The following PKHD1 variants were observed in gnomAD, a reference collection of about 807,000 sequenced individuals.
PKHD1 encodes fibrocystin.
In PKHD1, 291 loss-of-function variants were observed where a neutral mutation model predicts 412.0. That is an observed-to-expected ratio of 0.71 (90% confidence interval 0.64 to 0.78). PKHD1 has a LOEUF of 0.78. PKHD1 is among the 30% of genes least tolerant of loss of function. The pLI is 0.00. For synonymous variants in PKHD1, 1,777 were observed against 1,821.5 expected, an observed-to-expected ratio of 0.98 and a Z score of 0.62; for missense variants, 4,825 against 4,950.7, an observed-to-expected ratio of 0.97 and a Z score of 0.76.
chr6:51,675,796 T>C (rs980328848), intron 60 of PKHD1, among the ~76,000 whole-genome samples: 17 of 152,210 alleles, frequency 1.1e-4, no homozygotes, highest in African/African-American at 3.9e-4. Flanking sequence ...CAGTGAGTAT[T>C]GGCTTGGCAT....
intron 35 of PKHD1, among the ~76,000 whole-genome samples, chr6:51,989,945 AAGAAAGGAAGGAAAGAAGGAAG>A (rs1796790163): frequency 1.1e-4 from 4 of 36,806 alleles, no homozygotes; most frequent in Admixed American, 3.1e-4. Flanking sequence ...AGAAGGAAGG[AAGAAAGGAAGGAAAGAAGGAAG>A]GAAGGAAGGA....
intron 60 of PKHD1, among the ~76,000 whole-genome samples, chr6:51,736,245 C>T (rs1783828470): frequency 6.6e-6 from 1 of 152,158 alleles, no homozygotes; most frequent in Admixed American, 6.5e-5. Context: ...AGGAAATTGT[C>T]CCCATAGATC....
At chr6:51,806,597 G>A (rs1763820659) in intron 52 of PKHD1, among the ~76,000 whole-genome samples, 1 of 152,126 alleles carries the variant, frequency 6.6e-6, no homozygotes, top group Admixed American at 6.6e-5. Context: ...ATATTTATGA[G>A]TTCAAGAACC....
At chr6:51,731,941 T>A (rs927128314) in intron 60 of PKHD1, among the ~76,000 whole-genome samples, 11 of 152,282 alleles carry the variant, frequency 7.2e-5, no homozygotes, top group African/African-American at 2.6e-4. Flanking sequence ...TTCTACTTTT[T>A]CAGTTGCAAA....
chr6:51,961,979 G>T (rs1191754420), intron 35 of PKHD1, among the ~76,000 whole-genome samples: 2 of 152,050 alleles, frequency 1.3e-5, no homozygotes, highest in Non-Finnish European at 2.9e-5. Flanking sequence ...CAATTTTAAT[G>T]ATCCTCTCAG....
chr6:52,073,647 G>T, intron 6 of PKHD1, 106 bp from the exon 7 acceptor site: 1 of 738,046 alleles, frequency 1.4e-6, no homozygotes, highest in Non-Finnish European at 2.4e-6. Context: ...TGGCAAAGCA[G>T]GTCATGGCCC....
intron 36 of PKHD1, among the ~76,000 whole-genome samples, chr6:51,944,873 C>G (rs773466809): frequency 6.6e-6 from 1 of 152,210 alleles, no homozygotes; most frequent in Non-Finnish European, 1.5e-5. Context: ...CACTGCTAGA[C>G]CATCTGCATC....
chr6:51,717,574 G>A (rs1781430139), intron 60 of PKHD1, among the ~76,000 whole-genome samples: 1 of 152,162 alleles, frequency 6.6e-6, no homozygotes, highest in South Asian at 2.1e-4. Flanking sequence ...TGTGGTGCAG[G>A]TTTGTAACCC....
intron 52 of PKHD1, among the ~76,000 whole-genome samples, chr6:51,797,282 T>C (rs1389331450): frequency 6.6e-6 from 1 of 152,198 alleles, no homozygotes; most frequent in Non-Finnish European, 1.5e-5. Context: ...GCCTTTGTTT[T>C]TTGGTGGAGA....
intron 55 of PKHD1, among the ~76,000 whole-genome samples, chr6:51,762,509 T>C (rs992929103): frequency 6.6e-6 from 1 of 152,020 alleles, no homozygotes; most frequent in African/African-American, 2.4e-5. Flanking sequence ...TAGAGATAAA[T>C]TGATAAAACA....
intron 36 of PKHD1, among the ~76,000 whole-genome samples, chr6:51,945,015 A>G (rs1789244405): frequency 6.6e-6 from 1 of 152,186 alleles, no homozygotes; most frequent in African/African-American, 2.4e-5. Context: ...CAGACTTCCA[A>G]AGGATTCCCT....
chr6:51,723,403 T>A (rs905818445), intron 60 of PKHD1, among the ~76,000 whole-genome samples: 4 of 152,194 alleles, frequency 2.6e-5, no homozygotes, highest in African/African-American at 9.6e-5. Flanking sequence ...ACATGCGTGA[T>A]CCTGTTTGGA....
intron 3 of PKHD1, 67 bp downstream of exon 3, chr6:52,083,111 G>C: frequency 9.2e-7 from 1 of 1,083,598 alleles, no homozygotes; most frequent in Non-Finnish European, 1.4e-6. Flanking sequence ...GAAAACCAAA[G>C]ACTCATAGTC....
rs1581894996 is a variant in PKHD1, at chr6:51,659,747, T to G, written c.10379A>C (p.Tyr3460Ser). 1.2e-6 allele frequency: 2 copies of G among 1,613,552 alleles called. No homozygotes were observed. The highest frequency in any genetic ancestry group is 1.3e-5 in the African/African-American group (1 of 74,864). The change falls in exon 61 of 67, where the codon TAT (tyrosine) becomes TCT (serine). Residue 3460 changes from tyrosine to serine, a missense_variant. Physicochemically the swap from Tyr to Ser is moderately radical, Grantham distance 144. Coordinates refer to ENST00000371117, the MANE Select transcript of PKHD1 (RefSeq NM_138694.4). ...GATTTGCCTGATGGGTAAGATAGAA[T>G]AGAAAGTAGACACTGACCCAGAAGT... Reference protein sequence around the residue: ...CSTSGSVSTFYSILPIRQITK... With the variant: ...CSTSGSVSTFSSILPIRQITK...
intron 13 of PKHD1, among the ~76,000 whole-genome samples, chr6:52,064,332 A>G (rs1809165119): frequency 6.6e-6 from 1 of 152,226 alleles, no homozygotes; most frequent in Non-Finnish European, 1.5e-5. Flanking sequence ...AAAGTGCTCC[A>G]GTATTGTGCT....
rs1808121382 is a variant in PKHD1 at position 52,058,408 on chromosome 6, G to T, written c.1427C>A (p.Thr476Asn). The change falls in exon 16 of 67, where the codon ACC becomes AAC. Residue 476 changes from threonine (T) to asparagine (N), a missense_variant. Thr to Asn is a moderately conservative substitution (Grantham distance 65, BLOSUM62 0). Coordinates refer to ENST00000371117, the MANE Select transcript of PKHD1 (RefSeq NM_138694.4). Reference protein sequence around the residue: ...GMRIGVQIHNTWLNPDVVTTY... With the variant: ...GMRIGVQIHNNWLNPDVVTTY... ...GGTGACCACATCAGGATTCAGCCAG[G>T]TGTTGTGAATCTGGACACCAATCCT... 1 of 1,614,076 alleles carries T rather than the reference G, an allele frequency of 6.2e-7. No homozygotes were observed. The highest frequency in any genetic ancestry group is 8.5e-7 in the Non-Finnish European group (1 of 1,179,952).
In PKHD1 at chr6:52,046,318, T is replaced by C. The variant is rs1446531208; in HGVS notation, c.2408-130A>G. 2.7e-5 allele frequency: 22 copies of C among 800,188 alleles called. No individual in the cohort carries two copies. The Admixed American group carries it at 3.0e-4, about 11-fold the overall frequency. 49.6% of individuals were successfully genotyped at this position (800,188 alleles called of 1,614,324 possible). On this transcript the variant is annotated intron_variant, in intron 23 of 66. Transcript: ENST00000371117. Reference sequence around the variant, plus strand: ...TTTTCAGGAGACCCTTCTGTCAAAGTAGAACTTCAGTAGAATCCCCAGCCA... The same window carrying C: ...TTTTCAGGAGACCCTTCTGTCAAAGCAGAACTTCAGTAGAATCCCCAGCCA...
chr6:51,683,620 T>C (rs887149989), intron 60 of PKHD1, among the ~76,000 whole-genome samples: 18 of 152,078 alleles, frequency 1.2e-4, no homozygotes, highest in Non-Finnish European at 2.2e-4. Flanking sequence ...ATGTATGGCA[T>C]AGACTCAGGA....
At chr6:51,909,625 C>T (rs1782663069) in intron 39 of PKHD1, 151 bp from the exon 40 acceptor site, 2 of 663,760 alleles carry the variant, frequency 3.0e-6, no homozygotes, top group Admixed American at 2.3e-5. Context: ...CTTTGATTCT[C>T]CTCTGTATAT....
Sources: allele counts gnomAD v4.1 joint callset (sites outside exome capture counted in the v4.1 genomes callset), GRCh38; gene constraint gnomAD v4.1.1; transcripts MANE v1.5; gene names NCBI Gene and HGNC (gene_info 2026-07-23, HGNC 2026-07-21).